The following NDUFV2 variants were observed in gnomAD, a reference collection of about 807,000 sequenced individuals.
NDUFV2 encodes NADH:ubiquinone oxidoreductase core subunit V2.
In NDUFV2, 18 loss-of-function variants were observed where a neutral mutation model predicts 31.6. The ratio of observed to expected loss-of-function variants is 0.57; its 90% CI spans 0.39 to 0.84. The LOEUF (loss-of-function observed/expected upper bound fraction) is 0.84, where lower values mean the gene tolerates loss of function less well. Ranked by LOEUF, NDUFV2 falls within the 40% of genes least tolerant of loss-of-function variation. The pLI is 0.00. For synonymous variants in NDUFV2, 83 were observed against 99.8 expected, an observed-to-expected ratio of 0.83 and a Z score of 1.01; for missense variants, 314 against 303.6, an observed-to-expected ratio of 1.03 and a Z score of -0.26.
chr18:9,108,029 C>G (rs1160838714), intron 1 of NDUFV2, among the ~76,000 whole-genome samples: 1 of 152,118 alleles, frequency 6.6e-6, no homozygotes, highest in Non-Finnish European at 1.5e-5. Context: ...ATAAATTATT[C>G]TTGTCCTTAG....
chr18:9,108,850 C>T (rs1274887999), intron 1 of NDUFV2, among the ~76,000 whole-genome samples: 1 of 151,998 alleles, frequency 6.6e-6, no homozygotes, highest in African/African-American at 2.4e-5. Flanking sequence ...GCCACCACAC[C>T]CGGCTAATTT....
At chr18:9,127,693 C>T (rs1467803189) in intron 7 of NDUFV2, among the ~76,000 whole-genome samples, 3 of 152,006 alleles carry the variant, frequency 2.0e-5, no homozygotes, top group Admixed American at 6.5e-5. Context: ...GGATGGTCTC[C>T]GATCTCCTGA....
intron 2 of NDUFV2, among the ~76,000 whole-genome samples, chr18:9,119,007 GT>G (rs2077915205): frequency 1.3e-5 from 2 of 151,892 alleles, no homozygotes; most frequent in African/African-American, 4.8e-5. Flanking sequence ...TAATGTTTTG[GT>G]AATTCTATCA....
intron 7 of NDUFV2, 26 bp from the exon 8 acceptor site, chr18:9,134,160 T>C (rs1307701931): frequency 6.5e-7 from 1 of 1,546,348 alleles, no homozygotes; most frequent in Admixed American, 1.7e-5. Flanking sequence ...TAATCATTAA[T>C]AGTTTAATAT....
intron 5 of NDUFV2, among the ~76,000 whole-genome samples, chr18:9,123,623 T>TA (rs1362181942): frequency 6.6e-6 from 1 of 152,158 alleles, no homozygotes; most frequent in Non-Finnish European, 1.5e-5. Context: ...TAGCTGTAGC[T>TA]ATGGGTGCAT....
At chr18:9,115,320 TTTTTG>T (rs1568189075) in intron 1 of NDUFV2, among the ~76,000 whole-genome samples, 15 of 152,348 alleles carry the variant, frequency 9.8e-5, no homozygotes, top group Non-Finnish European at 1.5e-5. Flanking sequence ...ATTTTTGTTT[TTTTTG>T]TTTTGTTTAA....
chr18:9,106,532 C>T (rs1477544207), intron 1 of NDUFV2, among the ~76,000 whole-genome samples: 1 of 152,046 alleles, frequency 6.6e-6, no homozygotes, highest in Non-Finnish European at 1.5e-5. Flanking sequence ...AATGTTTTCC[C>T]CATTCCATTA....
At chr18:9,105,842 T>A (rs1400648428) in intron 1 of NDUFV2, among the ~76,000 whole-genome samples, 7 of 152,224 alleles carry the variant, frequency 4.6e-5, no homozygotes, top group African/African-American at 1.7e-4. Flanking sequence ...TATTTTCCTT[T>A]ATGTCTTTAG....
chr18:9,103,381 C>G (rs540805878), intron 1 of NDUFV2: 1 of 371,202 alleles, frequency 2.7e-6, no homozygotes, highest in East Asian at 3.9e-5. Context: ...AATTAAAGAA[C>G]CACAGGATTT....
intron 1 of NDUFV2, chr18:9,115,988 G>GA (rs1182131323): frequency 6.6e-6 from 1 of 152,096 alleles, no homozygotes; most frequent in Non-Finnish European, 1.5e-5. Context: ...TATCTTAAAA[G>GA]AAAAAAGATA....
intron 5 of NDUFV2, among the ~76,000 whole-genome samples, chr18:9,124,638 CG>C (rs1240577530): frequency 6.6e-6 from 1 of 151,354 alleles, no homozygotes; most frequent in Non-Finnish European, 1.5e-5. Context: ...TTAGTAGAGA[CG>C]GGGTTTCACC....
intron 7 of NDUFV2, among the ~76,000 whole-genome samples, chr18:9,133,765 G>A (rs2078060606): frequency 6.6e-6 from 1 of 152,020 alleles, no homozygotes; most frequent in Admixed American, 6.6e-5. Flanking sequence ...TTAAAACATG[G>A]TTTTTAAAAA....
At chr18:9,109,284 A>C (rs1336768303) in intron 1 of NDUFV2, among the ~76,000 whole-genome samples, 1 of 152,228 alleles carries the variant, frequency 6.6e-6, no homozygotes, top group Non-Finnish European at 1.5e-5. Flanking sequence ...TCCTTGCCTT[A>C]GTTGGCCTCT....
chr18:9,126,777 T>C, intron 6 of NDUFV2, 54 bp from the exon 7 acceptor site: 5 of 1,457,002 alleles, frequency 3.4e-6, no homozygotes, highest in South Asian at 1.1e-5. Context: ...TCTATAAATA[T>C]ATCGATATAA....
At chr18:9,130,698 T>C in intron 7 of NDUFV2, among the ~76,000 whole-genome samples, 1 of 152,212 alleles carries the variant, frequency 6.6e-6, no homozygotes, top group Non-Finnish European at 1.5e-5. Context: ...TTCTTTTTTA[T>C]TGGTATTTTA....
chr18:9,120,025 G>A (rs2077923530), intron 4 of NDUFV2, among the ~76,000 whole-genome samples: 1 of 152,010 alleles, frequency 6.6e-6, no homozygotes, highest in South Asian at 2.1e-4. Context: ...TATAATAGGT[G>A]ATATTTATAC....
intron 5 of NDUFV2, among the ~76,000 whole-genome samples, 174 bp from the exon 6 acceptor site, chr18:9,124,700 A>G (rs1001523130): frequency 1.7e-4 from 26 of 150,930 alleles, no homozygotes; most frequent in African/African-American, 6.1e-4. Flanking sequence ...TGCCCACCCC[A>G]GCCTCCCAAA....
At chr18:9,109,659 G>A (rs1484667112) in intron 1 of NDUFV2, among the ~76,000 whole-genome samples, 1 of 152,246 alleles carries the variant, frequency 6.6e-6, no homozygotes, top group Admixed American at 6.5e-5. Flanking sequence ...GATTGAAAGA[G>A]CCTGGGCTCA....
At chr18:9,104,282 C>T in intron 1 of NDUFV2, 1 of 1,612,216 alleles carries the variant, frequency 6.2e-7, no homozygotes. Flanking sequence ...ATTGGAGCTC[C>T]TGGCGTGCCA....
Sources: allele counts gnomAD v4.1 joint callset (sites outside exome capture counted in the v4.1 genomes callset), GRCh38; gene constraint gnomAD v4.1.1; transcripts MANE v1.5; gene names NCBI Gene and HGNC (gene_info 2026-07-23, HGNC 2026-07-21).